Variants in CORO2A observed in about 807,000 individuals in gnomAD.
CORO2A encodes coronin 2A, also known as coronin-2A.
CORO2A carries 47 observed loss-of-function variants against 62.4 expected under a neutral mutation model. The ratio of observed to expected loss-of-function variants is 0.75; its 90% CI spans 0.60 to 0.96. The LOEUF is 0.96. Ranked by LOEUF, CORO2A falls within the 40% of genes least tolerant of loss-of-function variation. CORO2A has a pLI of 0.00. For missense variants in CORO2A, 610 were observed against 684.1 expected (o/e 0.89, Z 1.21); for synonymous variants, 273 against 268.9 (o/e 1.02, Z -0.15).
At chr9:98,141,489 A>G (rs1476718795) in intron 2 of CORO2A, among the ~76,000 whole-genome samples, 2 of 151,514 alleles carry the variant, frequency 1.3e-5, no homozygotes, top group Non-Finnish European at 2.9e-5. Flanking sequence ...AGTAGCTGGG[A>G]TTACAGGTGC....
rs1480748472 is a variant in CORO2A at position 98,132,294 on chromosome 9, C to T, written c.656G>A (p.Ser219Asn). 1 of 1,613,866 alleles carries T rather than the reference C, an allele frequency of 6.2e-7. No homozygotes were observed. Among genetic ancestry groups the T allele is most frequent in the South Asian group, 1.1e-5 (1 of 91,070 alleles). The change falls in exon 6 of 12, where the codon AGC becomes AAC. Residue 219 changes from serine to asparagine, a missense_variant. Physicochemically the swap from Ser to Asn is conservative, Grantham distance 46 (BLOSUM62 1). Transcript: ENST00000375077. ...PRAGTVLQEASYKGHRASKVL... is the reference protein window; with the variant it reads ...PRAGTVLQEANYKGHRASKVL... ...TTTGCTGGCCCGGTGCCCTTTGTAG[C>T]TGGCCTCCTGGAGGGACACGTGCGG...
intron 8 of CORO2A, 133 bp from the exon 9 acceptor site, chr9:98,128,852 C>T (rs1006491458): frequency 2.6e-5 from 17 of 658,304 alleles, no homozygotes; most frequent in Admixed American, 4.7e-5. Context: ...GGACAAATAC[C>T]GACACTGGGC....
At chr9:98,157,423 C>A (rs373402442) in intron 2 of CORO2A, 37 bp downstream of exon 2, 2 of 1,601,016 alleles carry the variant, frequency 1.2e-6, no homozygotes, top group African/African-American at 2.7e-5. Flanking sequence ...TCCTGCCCTG[C>A]CTCCAGAGAG....
chr9:98,161,272 A>G (rs1797944065), intron 1 of CORO2A, among the ~76,000 whole-genome samples: 1 of 152,016 alleles, frequency 6.6e-6, no homozygotes, highest in South Asian at 2.1e-4. Flanking sequence ...GGAGGGGAGA[A>G]GCTGGGCACG....
At chr9:98,174,615 T>C (rs1828083918) in intron 1 of CORO2A, among the ~76,000 whole-genome samples, 1 of 152,138 alleles carries the variant, frequency 6.6e-6, no homozygotes, top group Admixed American at 6.5e-5. Context: ...TGGAGGCGGT[T>C]TCCCCCAGGC....
chr9:98,135,423 G>A (rs1393940058), intron 3 of CORO2A, among the ~76,000 whole-genome samples: 1 of 152,166 alleles, frequency 6.6e-6, no homozygotes, highest in Non-Finnish European at 1.5e-5. Flanking sequence ...AGCAGGGCAG[G>A]GACAAACTTC....
At chr9:98,132,132 G>A (rs980770257) in intron 6 of CORO2A, 53 bp downstream of exon 6, 2 of 1,319,938 alleles carry the variant, frequency 1.5e-6, no homozygotes, top group Non-Finnish European at 2.2e-6. Flanking sequence ...ATGAATGAAT[G>A]ACACTGGCTC....
chr9:98,138,423 AAAAG>A (rs1453925554), intron 2 of CORO2A, among the ~76,000 whole-genome samples: 1 of 152,112 alleles, frequency 6.6e-6, no homozygotes, highest in African/African-American at 2.4e-5. Flanking sequence ...AAAAAAAAAA[AAAAG>A]AAACTGGTTC....
intron 1 of CORO2A, among the ~76,000 whole-genome samples, chr9:98,174,898 G>A (rs78901557): frequency 4.2e-4 from 64 of 152,228 alleles, no homozygotes; most frequent in Admixed American, 7.2e-4. Flanking sequence ...GGGAATGTAC[G>A]TCATGCCACG....
At chr9:98,129,221 C>T (rs1021639118) in intron 8 of CORO2A, among the ~76,000 whole-genome samples, 1 of 152,170 alleles carries the variant, frequency 6.6e-6, no homozygotes, top group Non-Finnish European at 1.5e-5. Flanking sequence ...AGGCAGTTTG[C>T]TCTGCTTAAG....
chr9:98,127,966 T>C (rs1827350530), intron 10 of CORO2A, among the ~76,000 whole-genome samples: 1 of 149,564 alleles, frequency 6.7e-6, no homozygotes, highest in Admixed American at 6.7e-5. Context: ...TGAGTTGGAG[T>C]TTTCTGAGCT....
Position 98,126,596 on chromosome 9 carries a change from T to A in CORO2A, c.1399A>T (p.Asn467Tyr). The A allele has an allele frequency of 6.2e-7, 1 of 1,614,038 alleles. No homozygotes were observed. Among genetic ancestry groups the A allele is most frequent in the Non-Finnish European group, 8.5e-7 (1 of 1,179,996 alleles). ...GGGCATTCGAAAACGTCAAAGCCAT[T>A]TGTCAGCCAGGTTTTCTTCTCCTCC... ...RLEEKKTWLT[N>Y]GFDVFECPPP... The change falls in exon 11 of 12, where the codon AAT becomes TAT. Residue 467 changes from asparagine (N) to tyrosine (Y), a missense_variant. Coordinates refer to ENST00000375077, the MANE Select transcript of CORO2A (RefSeq NM_052820.4).
rs1827269991 is a variant in CORO2A, at chr9:98,123,493, CTCTTT to C, written c.*1276_*1280del. The C allele has an allele frequency of 6.7e-6, 1 of 149,284 alleles. No homozygotes were observed. The highest frequency in any genetic ancestry group is 2.1e-4 in the South Asian group (1 of 4,714). The allele number at this position is 149,284 out of a possible 1,614,324, so 9.2% of individuals were successfully genotyped here. A position where few individuals can be genotyped will look rare whatever the true frequency, so the allele number is the denominator to read the frequency against. ...TGCTTAGTCTTCCCCTATTCTCTCT[CTCTTT>C]TTTTTTTTTTTTTTGGAGATGGAGT... On this transcript the variant is annotated 3_prime_UTR_variant, in exon 12 of 12. Coordinates refer to ENST00000375077, the MANE Select transcript of CORO2A (RefSeq NM_052820.4).
intron 2 of CORO2A, 28 bp downstream of exon 2, chr9:98,157,432 A>T (rs1202362674): frequency 1.2e-6 from 2 of 1,610,234 alleles, no homozygotes; most frequent in South Asian, 1.1e-5. Flanking sequence ...GCCTCCAGAG[A>T]GCTGTTTGGG....
intron 3 of CORO2A, among the ~76,000 whole-genome samples, chr9:98,136,519 T>C (rs1243789529): frequency 6.6e-6 from 1 of 152,272 alleles, no homozygotes; most frequent in African/African-American, 2.4e-5. Context: ...GCTGCAACCC[T>C]TCTTAGCCAT....
intron 1 of CORO2A, among the ~76,000 whole-genome samples, chr9:98,169,148 C>T (rs1487656116): frequency 1.3e-5 from 2 of 152,192 alleles, no homozygotes; most frequent in Non-Finnish European, 2.9e-5. Context: ...CGTCTGCAGC[C>T]GGCAAATGCA....
chr9:98,154,054 T>G (rs1827766164), intron 2 of CORO2A, among the ~76,000 whole-genome samples: 1 of 152,106 alleles, frequency 6.6e-6, no homozygotes. Context: ...AAATCCAACT[T>G]GGTCAGAATG....
At position 98,133,077 on chromosome 9, in the gene CORO2A, C is replaced by G; in HGVS notation, c.609G>C (p.Lys203Asn). The G allele has an allele frequency of 6.2e-7, 1 of 1,614,220 alleles. No individual in the cohort carries two copies. Among genetic ancestry groups the G allele is most frequent in the Non-Finnish European group, 8.5e-7 (1 of 1,180,022 alleles). The change falls in exon 5 of 12, where the codon AAG (lysine) becomes AAC (asparagine). Residue 203 changes from lysine to asparagine, a missense_variant. Coordinates refer to ENST00000375077, the MANE Select transcript of CORO2A (RefSeq NM_052820.4). ...CTGCTCGGGGGTCAATAACCCGAAT[C>G]TTGCGGTCTTTGCAGGTGGTGGCCA... ...SLLATTCKDRKIRVIDPRAGT... is the reference protein window; with the variant it reads ...SLLATTCKDRNIRVIDPRAGT...
intron 1 of CORO2A, among the ~76,000 whole-genome samples, chr9:98,173,714 G>C (rs149223999): frequency 6.6e-6 from 1 of 152,090 alleles, no homozygotes; most frequent in African/African-American, 2.4e-5. Context: ...CTTAAGATAC[G>C]GGCTTCAGAG....
Sources: gnomAD v4.1 joint callset for allele counts (sites outside exome capture counted in the v4.1 genomes callset) on GRCh38, gnomAD v4.1.1 for gene constraint, MANE v1.5 for transcripts, NCBI Gene and HGNC (gene_info 2026-07-23, HGNC 2026-07-21) for gene names.